The following EDAR variants were observed in gnomAD, a reference collection of about 807,000 sequenced individuals.
EDAR encodes the protein ectodysplasin A receptor.
Under a neutral mutation model 51.3 loss-of-function variants are expected in EDAR, and 38 were observed. The ratio of observed to expected loss-of-function variants is 0.74; its 90% CI spans 0.57 to 0.97. EDAR has a LOEUF of 0.97. EDAR is among the 50% of genes least tolerant of loss of function. The pLI is 0.00. For missense variants in EDAR, 528 were observed against 595.0 expected, an observed-to-expected ratio of 0.89 and a Z score of 1.17; for synonymous variants, 227 against 242.1, an observed-to-expected ratio of 0.94 and a Z score of 0.58.
intron 1 of EDAR, among the ~76,000 whole-genome samples, chr2:108,953,141 C>G (rs1163414644): frequency 6.6e-6 from 1 of 152,146 alleles, no homozygotes; most frequent in African/African-American, 2.4e-5. Flanking sequence ...ACAAATAATC[C>G]ATCTGTGCTC....
chr2:108,896,550 G>T lies in EDAR; in HGVS notation c.*357C>A, dbSNP rs1696595687. ...GGAGTGCAAACTCCTTAAAGACAGG[G>T]ACCAGATTCTTCACTTCTGTCATTC... is the stretch of plus-strand genomic sequence containing the variant. On this transcript the variant is annotated 3_prime_UTR_variant, in exon 12 of 12. Coordinates refer to ENST00000258443, the MANE Select transcript of EDAR (RefSeq NM_022336.4). 4.1e-6 allele frequency: 1 copy of T among 243,964 alleles called. No homozygotes were observed. Among genetic ancestry groups the T allele is most frequent in the Middle Eastern group, 1.5e-3 (1 of 670 alleles). 15.1% of individuals were successfully genotyped at this position (243,964 alleles called of 1,614,324 possible). A position where few individuals can be genotyped will look rare whatever the true frequency, so the allele number is the denominator to read the frequency against.
Position 108,935,629 on chromosome 2 carries a change from G to A in EDAR, c.-18-4597C>T, listed in dbSNP as rs189048819. On this transcript the variant is annotated intron_variant, in intron 1 of 11. Transcript: ENST00000258443. ...GGCCTTCTTCCAAAGAACAAATGCC[G>A]TCATTAGCACCCCTTTTCACACACA... 1.9e-3 allele frequency among the ~76,000 whole-genome samples: 285 copies of A among 152,170 alleles called. 3 individuals carry two copies. Among genetic ancestry groups the A allele is most frequent in the Admixed American group, 0.015 (234 of 15,272 alleles).
At chr2:108,967,002 T>G (rs1698160565) in intron 1 of EDAR, among the ~76,000 whole-genome samples, 1 of 152,232 alleles carries the variant, frequency 6.6e-6, no homozygotes. Context: ...TGGCACAGTC[T>G]TGGCCCACTG....
chr2:108,927,770 A>G (rs936766305), intron 4 of EDAR, among the ~76,000 whole-genome samples: 3 of 151,882 alleles, frequency 2.0e-5, no homozygotes, highest in Non-Finnish European at 4.4e-5. Context: ...AGTCCCCTCA[A>G]ATTCCACACA....
At position 108,910,976 on chromosome 2, in the gene EDAR, T is replaced by C. The variant is rs1696919244; in HGVS notation, c.626A>G (p.Tyr209Cys). Residue 209 changes from tyrosine (Y) to cysteine (C), a missense_variant, in exon 7 of 12, where the codon TAC (tyrosine) becomes TGC (cysteine). Coordinates refer to ENST00000258443, the MANE Select transcript of EDAR (RefSeq NM_022336.4). ...AIAIVLIIMF[Y>C]ILKTKPSAPA... ...GGCAGAGGGCTTTGTCTTCAGGATG[T>C]AGAACATGATGATGAGGACGATGGC... 6.2e-7 allele frequency: 1 copy of C among 1,613,912 alleles called. No homozygotes were observed. Among genetic ancestry groups the C allele is most frequent in the South Asian group, 1.1e-5 (1 of 91,070 alleles).
rs7585920 is a variant in EDAR at position 108,926,422 on chromosome 2, C to G, written c.356+2776G>C. ...GACTTTCTCTCAGTCAATAGGTGTA[C>G]ATTTTCCCAGAGAGTTCCTTTCTTC... is the stretch of plus-strand genomic sequence containing the variant. On this transcript the variant is annotated intron_variant, in intron 4 of 11. Coordinates refer to ENST00000258443, the MANE Select transcript of EDAR (RefSeq NM_022336.4). 8.3e-3 allele frequency among the ~76,000 whole-genome samples: 1,270 copies of G among 152,302 alleles called. 21 individuals are homozygous for G. The highest frequency in any genetic ancestry group is 0.029 in the African/African-American group (1,197 of 41,556).
chr2:108,979,561 C>T (rs1698387816), intron 1 of EDAR, among the ~76,000 whole-genome samples: 1 of 151,974 alleles, frequency 6.6e-6, no homozygotes, highest in Non-Finnish European at 1.5e-5. Flanking sequence ...AAGCTAGGGG[C>T]ATGTCAGGTG....
chr2:108,946,300 G>A (rs1697714069), intron 1 of EDAR, among the ~76,000 whole-genome samples: 1 of 152,220 alleles, frequency 6.6e-6, no homozygotes, highest in African/African-American at 2.4e-5. Flanking sequence ...ACAGTGACGG[G>A]AGTAGCACCT....
chr2:108,902,114 T>C (rs1313995988), intron 11 of EDAR, among the ~76,000 whole-genome samples: 2 of 151,526 alleles, frequency 1.3e-5, no homozygotes, highest in African/African-American at 4.9e-5. Context: ...GGCATGCACA[T>C]GTAATCCCAG....
At chr2:108,942,701 G>T (rs1436872860) in intron 1 of EDAR, among the ~76,000 whole-genome samples, 1 of 152,234 alleles carries the variant, frequency 6.6e-6, no homozygotes, top group Non-Finnish European at 1.5e-5. Context: ...TCCTGTTCCC[G>T]CCTCTCCTTT....
intron 11 of EDAR, among the ~76,000 whole-genome samples, chr2:108,899,878 C>T (rs1379116578): frequency 2.6e-5 from 4 of 151,928 alleles, no homozygotes; most frequent in Non-Finnish European, 4.4e-5. Context: ...CCCAGCTACT[C>T]GGGAGGCTGA....
chr2:108,936,920 G>A (rs1040992692), intron 1 of EDAR, among the ~76,000 whole-genome samples: 2 of 152,206 alleles, frequency 1.3e-5, no homozygotes, highest in African/African-American at 4.8e-5. Context: ...GAAGTCCTCA[G>A]TGATTTCTGA....
chr2:108,915,650 A>C (rs1176747432), intron 5 of EDAR, among the ~76,000 whole-genome samples: 1 of 152,200 alleles, frequency 6.6e-6, no homozygotes, highest in Non-Finnish European at 1.5e-5. Context: ...CTATAATCCC[A>C]GCACTTTGGG....
At chr2:108,976,404 C>G (rs536673063) in intron 1 of EDAR, among the ~76,000 whole-genome samples, 1 of 152,300 alleles carries the variant, frequency 6.6e-6, no homozygotes, top group East Asian at 1.9e-4. Context: ...CAGCATGGCT[C>G]AGGATTGCTG....
intron 1 of EDAR, among the ~76,000 whole-genome samples, chr2:108,951,672 A>G (rs1361979231): frequency 6.6e-6 from 1 of 152,060 alleles, no homozygotes; most frequent in Non-Finnish European, 1.5e-5. Flanking sequence ...AAAGCCTGCA[A>G]TTTCTTTAAC....
At chr2:108,897,279 A>T (rs759461590) in intron 11 of EDAR, 50 bp from the exon 12 acceptor site, 18 of 1,520,576 alleles carry the variant, frequency 1.2e-5, no homozygotes, top group Non-Finnish European at 1.6e-5. Context: ...CAGTCAATAG[A>T]AGGTCAACAC....
At chr2:108,934,969 G>T (rs74416134) in intron 1 of EDAR, among the ~76,000 whole-genome samples, 1 of 152,194 alleles carries the variant, frequency 6.6e-6, no homozygotes, top group African/African-American at 2.4e-5. Flanking sequence ...CCAGTTCAGG[G>T]GTTGTGAAGC....
intron 1 of EDAR, among the ~76,000 whole-genome samples, chr2:108,977,874 A>T (rs1698352488): frequency 6.6e-6 from 1 of 152,196 alleles, no homozygotes; most frequent in Non-Finnish European, 1.5e-5. Context: ...ATCAACCACA[A>T]GACATCATAT....
chr2:108,953,626 C>T lies in EDAR; in HGVS notation c.-18-22594G>A, dbSNP rs576705138. On this transcript the variant is annotated intron_variant, in intron 1 of 11. Transcript: ENST00000258443. ...TGTTTTTGGTAGACCAGGACACAAC[C>T]AGATGATTTTCTAGGAAGACTAATT... Among the ~76,000 whole-genome samples, 27 of 152,212 alleles carry T rather than the reference C, an allele frequency of 1.8e-4. No individual in the cohort carries two copies. In the South Asian group the frequency reaches 3.5e-3, roughly 20 times the overall value.
Sources: gnomAD v4.1 joint callset for allele counts (sites outside exome capture counted in the v4.1 genomes callset) on GRCh38, gnomAD v4.1.1 for gene constraint, MANE v1.5 for transcripts, NCBI Gene and HGNC (gene_info 2026-07-23, HGNC 2026-07-21) for gene names.